The following COLEC12 variants were observed in gnomAD, a reference collection of about 807,000 sequenced individuals.
The protein encoded by COLEC12 is collectin subfamily member 12, also known as collectin-12.
In COLEC12, 33 loss-of-function variants were observed where a neutral mutation model predicts 71.1. That is an observed-to-expected ratio of 0.46 (90% CI 0.35 to 0.62). The LOEUF is 0.62. Among genes scored for constraint, COLEC12 ranks in the 20% least tolerant of loss-of-function variants. COLEC12 has a pLI of 0.00. For synonymous variants in COLEC12, 350 were observed against 353.0 expected (o/e 0.99, Z 0.10); for missense variants, 765 against 916.1 (o/e 0.84, Z 2.13).
Position 355,047 on chromosome 18 carries a change from G to GCATCCATC in COLEC12, c.181+2345_181+2352dup, listed in dbSNP as rs112034077. Among the ~76,000 whole-genome samples, 241 of 150,374 alleles carry GCATCCATC rather than the reference G, an allele frequency of 1.6e-3. 2 individuals are homozygous for GCATCCATC. Among genetic ancestry groups the GCATCCATC allele is most frequent in the East Asian group, 5.7e-3 (29 of 5,104 alleles). On this transcript the variant is annotated intron_variant, in intron 3 of 9. Coordinates refer to ENST00000400256, the MANE Select transcript of COLEC12 (RefSeq NM_130386.3). ...ATGCACAATCCATCAATCCATCCAT[G>GCATCCATC]CATCCATCCATCCATCCATCCATCC...
intron 2 of COLEC12, among the ~76,000 whole-genome samples, chr18:416,218 A>T (rs114425661): frequency 0.019 from 2,909 of 152,286 alleles, 95 homozygotes; most frequent in African/African-American, 0.067. Context: ...CCCCAAAAAA[A>T]TTCATTTTGG....
intron 2 of COLEC12, among the ~76,000 whole-genome samples, chr18:403,072 G>C (rs2143618585): frequency 6.6e-6 from 1 of 152,262 alleles, no homozygotes; most frequent in Admixed American, 6.5e-5. Context: ...GCGTATTAAG[G>C]ATCCCAAAGT....
At chr18:468,263 A>AG (rs1444329993) in intron 2 of COLEC12, among the ~76,000 whole-genome samples, 1 of 150,080 alleles carries the variant, frequency 6.7e-6, no homozygotes, top group Non-Finnish European at 1.5e-5. Context: ...CTCCGTCTCA[A>AG]AAAAAAAAAA....
At chr18:430,301 T>C (rs1916277920) in intron 2 of COLEC12, among the ~76,000 whole-genome samples, 1 of 151,138 alleles carries the variant, frequency 6.6e-6, no homozygotes, top group Non-Finnish European at 1.5e-5. Flanking sequence ...GCCACTGTAC[T>C]CCAGCCTGGG....
chr18:478,323 A>T (rs1598377987), intron 2 of COLEC12, among the ~76,000 whole-genome samples: 1 of 152,320 alleles, frequency 6.6e-6, no homozygotes, highest in Non-Finnish European at 1.5e-5. Context: ...GGAGAGTTAA[A>T]TCATCTAAGT....
At chr18:446,990 A>G (rs547997778) in intron 2 of COLEC12, among the ~76,000 whole-genome samples, 42 of 152,312 alleles carry the variant, frequency 2.8e-4, no homozygotes, top group Non-Finnish European at 4.7e-4. Flanking sequence ...TTGATCATTT[A>G]TAGTGTTTAT....
rs751625285 is a variant in COLEC12, at chr18:335,166, G to A, written c.1392C>T (p.Gly464=). 1 of 1,612,230 alleles carries A rather than the reference G, an allele frequency of 6.2e-7. No individual in the cohort carries two copies. Among genetic ancestry groups the A allele is most frequent in the Non-Finnish European group, 8.5e-7 (1 of 1,179,366 alleles). The change falls in exon 6 of 10, where the codon GGC becomes GGT. Residue 464 remains glycine, a synonymous_variant. Coordinates refer to ENST00000400256, the MANE Select transcript of COLEC12 (RefSeq NM_130386.3). ...CCTTCTCTCCTTTCTGTCCCTTGTT[G>A]CCAGTTGGGCCAGGGGGTCCCTGGG... ...RGSQGPPGPT[G]NKGQKGEKGE...
chr18:492,736 C>T (rs770344521), intron 1 of COLEC12, among the ~76,000 whole-genome samples: 5 of 151,902 alleles, frequency 3.3e-5, no homozygotes, highest in Non-Finnish European at 5.9e-5. Context: ...AACACCGATA[C>T]GTCTTTTTGT....
chr18:421,451 A>G (rs963070265), intron 2 of COLEC12, among the ~76,000 whole-genome samples: 3 of 152,038 alleles, frequency 2.0e-5, no homozygotes, highest in Admixed American at 1.3e-4. Flanking sequence ...GATCTTCCAC[A>G]TTCCCTGTTG....
intron 2 of COLEC12, among the ~76,000 whole-genome samples, chr18:419,357 C>T (rs188971827): frequency 2.6e-5 from 4 of 152,296 alleles, no homozygotes; most frequent in African/African-American, 9.6e-5. Context: ...AGGCGCATGC[C>T]ACCACACTAG....
At chr18:421,973 T>C (rs993354185) in intron 2 of COLEC12, among the ~76,000 whole-genome samples, 52 of 152,214 alleles carry the variant, frequency 3.4e-4, no homozygotes, top group African/African-American at 1.2e-3. Flanking sequence ...GGCAAATTAC[T>C]GCTGGGTGAG....
At chr18:441,178 G>A (rs1205633236) in intron 2 of COLEC12, among the ~76,000 whole-genome samples, 3 of 149,498 alleles carry the variant, frequency 2.0e-5, no homozygotes, top group Non-Finnish European at 4.5e-5. Flanking sequence ...AACCCGGGAG[G>A]CGGAGCTTGC....
At chr18:328,969 T>A (rs970316513) in intron 8 of COLEC12, among the ~76,000 whole-genome samples, 3 of 152,218 alleles carry the variant, frequency 2.0e-5, no homozygotes, top group African/African-American at 7.2e-5. Context: ...TCCTGGGGAT[T>A]TTTATGTTCC....
At chr18:388,645 G>A (rs1349865133) in intron 2 of COLEC12, among the ~76,000 whole-genome samples, 1 of 152,156 alleles carries the variant, frequency 6.6e-6, no homozygotes, top group South Asian at 2.1e-4. Flanking sequence ...CCAAGCAGGA[G>A]TGCATGGCAC....
intron 9 of COLEC12, 91 bp downstream of exon 9, chr18:321,571 G>C: frequency 7.3e-7 from 1 of 1,364,630 alleles, no homozygotes; most frequent in Non-Finnish European, 1.0e-6. Flanking sequence ...TAATTGCAGT[G>C]CCTGCATTCA....
At position 440,607 on chromosome 18, in the gene COLEC12, G is replaced by A. The variant is rs533046829; in HGVS notation, c.58+40100C>T. On this transcript the variant is annotated intron_variant, in intron 2 of 9. Transcript: ENST00000400256. The stretch of plus-strand genomic sequence containing the variant: ...TCATCCCTCAGTATCTGTGCAGGAC[G>A]GATTCCAGGATGCCCTGGGATGCCA... 3.9e-5 allele frequency among the ~76,000 whole-genome samples: 6 copies of A among 152,252 alleles called. No individual in the cohort carries two copies. The East Asian group carries it at 5.8e-4, about 15-fold the overall frequency.
chr18:368,733 G>C (rs536159991), intron 2 of COLEC12, among the ~76,000 whole-genome samples: 2 of 152,134 alleles, frequency 1.3e-5, no homozygotes, highest in African/African-American at 4.8e-5. Context: ...GGGCGTGGTG[G>C]CGGGCGCCTG....
chr18:325,560 A>G (rs549643575), intron 8 of COLEC12, among the ~76,000 whole-genome samples: 11 of 149,640 alleles, frequency 7.4e-5, no homozygotes, highest in African/African-American at 2.7e-4. Context: ...AGCCTCCATT[A>G]ACAATGACAG....
At chr18:407,375 A>T (rs1166358818) in intron 2 of COLEC12, among the ~76,000 whole-genome samples, 2 of 152,216 alleles carry the variant, frequency 1.3e-5, no homozygotes, top group Admixed American at 6.5e-5. Context: ...AAGCCTGGTA[A>T]GTACCAAGAT....
Sources: gnomAD v4.1 joint callset for allele counts (sites outside exome capture counted in the v4.1 genomes callset) on GRCh38, gnomAD v4.1.1 for gene constraint, MANE v1.5 for transcripts, NCBI Gene and HGNC (gene_info 2026-07-23, HGNC 2026-07-21) for gene names.